IGF2BP3: variants seen among roughly 807,000 people sequenced by gnomAD.
IGF2BP3 encodes the protein insulin-like growth factor 2 mRNA-binding protein 3.
In IGF2BP3, 9 loss-of-function variants were observed where a neutral mutation model predicts 73.8. The ratio of observed to expected loss-of-function variants is 0.12; its 90% CI spans 0.07 to 0.21. The LOEUF (loss-of-function observed/expected upper bound fraction) is 0.21, where lower values mean the gene tolerates loss of function less well. IGF2BP3 is among the 10% of genes least tolerant of loss of function. IGF2BP3 has a pLI of 1.00. For synonymous variants in IGF2BP3, 258 were observed against 256.7 expected, an observed-to-expected ratio of 1.01 and a Z score of -0.05; for missense variants, 542 against 714.0, an observed-to-expected ratio of 0.76 and a Z score of 2.75.
chr7:23,419,049 T>G (rs763617623), intron 2 of IGF2BP3, among the ~76,000 whole-genome samples: 5 of 152,174 alleles, frequency 3.3e-5, no homozygotes, highest in Non-Finnish European at 7.4e-5. Context: ...TATGACTTAT[T>G]TTAAAAGCCA....
chr7:23,371,217 G>C (rs1785533197), intron 3 of IGF2BP3, among the ~76,000 whole-genome samples: 1 of 151,904 alleles, frequency 6.6e-6, no homozygotes, highest in Non-Finnish European at 1.5e-5. Flanking sequence ...CATTGGGGAG[G>C]GGTTTCTAGA....
intron 2 of IGF2BP3, among the ~76,000 whole-genome samples, chr7:23,442,935 A>ACC (rs1787970117): frequency 6.6e-6 from 1 of 152,154 alleles, no homozygotes; most frequent in Non-Finnish European, 1.5e-5. Context: ...CTAGAATTTT[A>ACC]TGTTTAATCA....
At chr7:23,404,718 A>T (rs1387569891) in intron 3 of IGF2BP3, among the ~76,000 whole-genome samples, 1 of 151,322 alleles carries the variant, frequency 6.6e-6, no homozygotes, top group Non-Finnish European at 1.5e-5. Context: ...GTTTTGAGTA[A>T]GACAAAGTAG....
At chr7:23,460,487 C>T (rs1045576191) in intron 2 of IGF2BP3, among the ~76,000 whole-genome samples, 1 of 149,418 alleles carries the variant, frequency 6.7e-6, no homozygotes, top group Admixed American at 6.7e-5. Context: ...GAGCCAAGAT[C>T]GCCACTGCAC....
chr7:23,419,103 A>G (rs1429569644), intron 2 of IGF2BP3, among the ~76,000 whole-genome samples: 1 of 152,216 alleles, frequency 6.6e-6, no homozygotes, highest in Non-Finnish European at 1.5e-5. Context: ...TTATCTGATG[A>G]CTACATTCTA....
At chr7:23,384,460 C>T (rs191760314) in intron 3 of IGF2BP3, among the ~76,000 whole-genome samples, 1 of 152,234 alleles carries the variant, frequency 6.6e-6, no homozygotes, top group East Asian at 1.9e-4. Flanking sequence ...TAAATTGTAT[C>T]TCAAAGCAGT....
chr7:23,358,216 G>A (rs274063), intron 5 of IGF2BP3, among the ~76,000 whole-genome samples: 12,470 of 152,234 alleles, frequency 0.082, 1,101 homozygotes, highest in African/African-American at 0.22. Flanking sequence ...CACACAGTCT[G>A]TTCCATGCAA....
At chr7:23,317,584 G>A (rs1300188746) in intron 12 of IGF2BP3, 55 bp downstream of exon 12, 1 of 1,332,424 alleles carries the variant, frequency 7.5e-7, no homozygotes, top group African/African-American at 1.4e-5. Flanking sequence ...GCCAGGTTAT[G>A]GACTACCTGT....
intron 10 of IGF2BP3, among the ~76,000 whole-genome samples, chr7:23,320,142 C>A (rs994092732): frequency 2.0e-5 from 3 of 151,660 alleles, no homozygotes; most frequent in Admixed American, 2.0e-4. Flanking sequence ...GAACTCCTGA[C>A]CTCAAATGAT....
At position 23,361,061 on chromosome 7, in the gene IGF2BP3, C is replaced by T. The variant is rs187781184; in HGVS notation, c.401+473G>A. On this transcript the variant is annotated intron_variant, in intron 5 of 14. Coordinates refer to ENST00000258729, the MANE Select transcript of IGF2BP3 (RefSeq NM_006547.3). ...TTTCCATAAATCTAAGAGCAAATTA[C>T]ATTAATCCAATGTCTGCACGCTCCT... Among the ~76,000 whole-genome samples the T allele has an allele frequency of 1.9e-3, 282 of 152,326 alleles. 2 individuals are homozygous for T. Among genetic ancestry groups the T allele is most frequent in the Non-Finnish European group, 3.5e-4 (24 of 68,042 alleles).
At chr7:23,331,898 C>G (rs1784454947) in intron 10 of IGF2BP3, among the ~76,000 whole-genome samples, 1 of 150,922 alleles carries the variant, frequency 6.6e-6, no homozygotes, top group Non-Finnish European at 1.5e-5. Flanking sequence ...GTTTAATTGA[C>G]TCAGTTGGCT....
intron 7 of IGF2BP3, 38 bp from the exon 8 acceptor site, chr7:23,346,100 A>G: frequency 6.3e-7 from 1 of 1,585,794 alleles, no homozygotes; most frequent in Non-Finnish European, 8.5e-7. Flanking sequence ...TAGAATAAGT[A>G]AACCTATTCG....
chr7:23,415,547 C>T (rs1190043345), intron 3 of IGF2BP3: 6 of 270,354 alleles, frequency 2.2e-5, no homozygotes, highest in African/African-American at 7.0e-5. Context: ...TCGGCATCAC[C>T]GCATCCGCAG....
chr7:23,358,458 T>C (rs1179692065), intron 5 of IGF2BP3, among the ~76,000 whole-genome samples: 1 of 152,180 alleles, frequency 6.6e-6, no homozygotes, highest in Non-Finnish European at 1.5e-5. Flanking sequence ...GGAGCAGGCC[T>C]ATGGGGTTCA....
intron 2 of IGF2BP3, among the ~76,000 whole-genome samples, chr7:23,456,862 C>G (rs2128550229): frequency 6.6e-6 from 1 of 152,130 alleles, no homozygotes; most frequent in South Asian, 2.1e-4. Context: ...CCTGGCCAAC[C>G]AATATGGTGA....
chr7:23,361,353 C>T, intron 5 of IGF2BP3, 181 bp downstream of exon 5: 1 of 555,534 alleles, frequency 1.8e-6, no homozygotes, highest in Non-Finnish European at 3.2e-6. Context: ...CAACTTTAAC[C>T]AATGTAGATT....
chr7:23,467,075 C>G (rs1234025287), intron 2 of IGF2BP3, among the ~76,000 whole-genome samples: 1 of 152,134 alleles, frequency 6.6e-6, no homozygotes, highest in Non-Finnish European at 1.5e-5. Flanking sequence ...TTAAACCAAG[C>G]TCAATTTATA....
intron 3 of IGF2BP3, among the ~76,000 whole-genome samples, chr7:23,398,601 C>T (rs1440125891): frequency 2.0e-5 from 3 of 152,154 alleles, no homozygotes; most frequent in Admixed American, 1.3e-4. Context: ...TAATGATTGC[C>T]ATTTTAACTG....
intron 2 of IGF2BP3, among the ~76,000 whole-genome samples, chr7:23,451,571 G>A (rs67397633): frequency 0.18 from 27,626 of 151,944 alleles, 2,805 homozygotes; most frequent in South Asian, 0.3. Flanking sequence ...TCCACCTTGA[G>A]CAACAACAGC....
Sources: gnomAD v4.1 joint callset for allele counts (sites outside exome capture counted in the v4.1 genomes callset) on GRCh38, gnomAD v4.1.1 for gene constraint, MANE v1.5 for transcripts, NCBI Gene and HGNC (gene_info 2026-07-23, HGNC 2026-07-21) for gene names.